CDK14: variants seen among roughly 807,000 people sequenced by gnomAD.
CDK14 encodes the protein cyclin dependent kinase 14.
In CDK14, 34 loss-of-function variants were observed where a neutral mutation model predicts 60.7. That is an observed-to-expected ratio of 0.56 (90% CI 0.43 to 0.75). The LOEUF is 0.75. CDK14 is among the 30% of genes least tolerant of loss of function. The pLI is 0.00. For synonymous variants in CDK14, 197 were observed against 203.7 expected (o/e 0.97, Z 0.28); for missense variants, 482 against 564.1 (o/e 0.85, Z 1.47).
chr7:91,054,868 A>G (rs1216320409), intron 11 of CDK14, among the ~76,000 whole-genome samples: 2 of 152,204 alleles, frequency 1.3e-5, no homozygotes, highest in Non-Finnish European at 2.9e-5. Context: ...GTCCTTGGAA[A>G]GCCAAGGTGA....
intron 4 of CDK14, among the ~76,000 whole-genome samples, chr7:90,770,779 C>G (rs1439725451): frequency 1.3e-5 from 2 of 152,188 alleles, no homozygotes; most frequent in Non-Finnish European, 2.9e-5. Flanking sequence ...ATGCCTACAA[C>G]TGATCCCATC....
chr7:90,904,498 CAAATT>C (rs1448074068), intron 7 of CDK14, among the ~76,000 whole-genome samples: 6 of 151,766 alleles, frequency 4.0e-5, no homozygotes, highest in Admixed American at 2.0e-4. Flanking sequence ...AAAAATATAA[CAAATT>C]AAAAACAACA....
chr7:91,195,743 A>T (rs1026135515), intron 14 of CDK14, among the ~76,000 whole-genome samples: 7 of 152,222 alleles, frequency 4.6e-5, no homozygotes, highest in African/African-American at 1.7e-4. Context: ...TCAAGACTTC[A>T]TGTATATGAA....
At chr7:90,865,015 A>G (rs1398814356) in intron 6 of CDK14, among the ~76,000 whole-genome samples, 1 of 152,096 alleles carries the variant, frequency 6.6e-6, no homozygotes, top group Non-Finnish European at 1.5e-5. Context: ...TTTTTGGCTT[A>G]TGATTGCCCT....
chr7:91,180,954 C>A lies in CDK14; in HGVS notation c.*29-26211C>A, dbSNP rs1168671632. 5.3e-5 allele frequency among the ~76,000 whole-genome samples: 8 copies of A among 152,256 alleles called. No homozygotes were observed. In the East Asian group the frequency reaches 1.4e-3, roughly 26 times the overall value. Reference sequence around the variant, plus strand: ...TTTCCTCTGATCTACATGCACTCTCCCCTTCCTACCCAAATTACTTCACAA... The same window carrying A: ...TTTCCTCTGATCTACATGCACTCTCACCTTCCTACCCAAATTACTTCACAA... On this transcript the variant is annotated intron_variant, in intron 14 of 14. Coordinates refer to ENST00000380050, the MANE Select transcript of CDK14 (RefSeq NM_001287135.2).
chr7:90,609,354 T>C (rs1046386900), intron 2 of CDK14, among the ~76,000 whole-genome samples: 1 of 152,092 alleles, frequency 6.6e-6, no homozygotes, highest in Non-Finnish European at 1.5e-5. Flanking sequence ...AACCAGAATC[T>C]AGGGATGATA....
intron 14 of CDK14, among the ~76,000 whole-genome samples, chr7:91,145,211 T>C (rs1260346962): frequency 6.6e-6 from 1 of 152,232 alleles, no homozygotes; most frequent in Non-Finnish European, 1.5e-5. Flanking sequence ...TGATAACCAA[T>C]GTATGTGAAG....
intron 10 of CDK14, among the ~76,000 whole-genome samples, chr7:91,034,449 C>A (rs927297611): frequency 1.3e-5 from 2 of 152,024 alleles, no homozygotes; most frequent in African/African-American, 2.4e-5. Flanking sequence ...CAGTAACCTT[C>A]TAGCAGGTGA....
intron 4 of CDK14, among the ~76,000 whole-genome samples, chr7:90,788,142 C>T (rs17163201): frequency 0.16 from 23,585 of 151,994 alleles, 1,943 homozygotes; most frequent in Middle Eastern, 0.25. Context: ...GAAAGCTCTG[C>T]GGGAAAAAGG....
intron 14 of CDK14, among the ~76,000 whole-genome samples, chr7:91,141,961 G>A (rs1800476812): frequency 6.6e-6 from 1 of 151,952 alleles, no homozygotes. Flanking sequence ...AAGTAGCTGG[G>A]ACTACAGGCG....
At chr7:90,728,746 C>T (rs1442148509) in intron 3 of CDK14, among the ~76,000 whole-genome samples, 1 of 151,894 alleles carries the variant, frequency 6.6e-6, no homozygotes, top group African/African-American at 2.4e-5. Flanking sequence ...TGTTGGCTGT[C>T]AGTTTATGTT....
chr7:90,621,238 T>C (rs1257541811), intron 2 of CDK14, among the ~76,000 whole-genome samples: 1 of 152,218 alleles, frequency 6.6e-6, no homozygotes, highest in African/African-American at 2.4e-5. Flanking sequence ...CTGATTCTTC[T>C]TGGTTCCCTT....
At chr7:91,005,598 TTATAGCTCCTA>T (rs1562865043) in intron 10 of CDK14, among the ~76,000 whole-genome samples, 2 of 152,200 alleles carry the variant, frequency 1.3e-5, no homozygotes, top group Admixed American at 6.5e-5. Context: ...GGGTCAAAGG[TTATAGCTCCTA>T]GTCCAAGCAA....
chr7:90,835,499 C>A (rs931045347), intron 5 of CDK14, among the ~76,000 whole-genome samples: 1 of 152,066 alleles, frequency 6.6e-6, no homozygotes. Flanking sequence ...AATACAAATG[C>A]GCTTAATACA....
intron 13 of CDK14, among the ~76,000 whole-genome samples, chr7:91,115,070 C>T (rs1584081941): frequency 1.3e-5 from 2 of 152,140 alleles, no homozygotes; most frequent in East Asian, 3.9e-4. Context: ...AGCAGCAGCA[C>T]CTGTAATACC....
intron 6 of CDK14, among the ~76,000 whole-genome samples, chr7:90,885,550 C>A (rs1285980351): frequency 6.6e-6 from 1 of 152,162 alleles, no homozygotes; most frequent in Non-Finnish European, 1.5e-5. Flanking sequence ...TTTGACTCAG[C>A]AATCCCATTA....
intron 9 of CDK14, among the ~76,000 whole-genome samples, chr7:90,964,914 T>C (rs2041352): frequency 0.44 from 67,166 of 152,032 alleles, 15,517 homozygotes; most frequent in East Asian, 0.71. Flanking sequence ...TTAATAACTG[T>C]CTGTGATTCT....
At chr7:90,649,684 C>T (rs1326618521) in intron 2 of CDK14, among the ~76,000 whole-genome samples, 1 of 151,870 alleles carries the variant, frequency 6.6e-6, no homozygotes, top group Non-Finnish European at 1.5e-5. Flanking sequence ...TTGTTCACTT[C>T]CCACCTGTGA....
At chr7:91,143,208 A>G (rs148286302) in intron 14 of CDK14, among the ~76,000 whole-genome samples, 4 of 152,274 alleles carry the variant, frequency 2.6e-5, no homozygotes, top group Non-Finnish European at 5.9e-5. Flanking sequence ...AAAGTCCAGG[A>G]TATGTTTGAA....
Sources: allele counts gnomAD v4.1 joint callset (sites outside exome capture counted in the v4.1 genomes callset), GRCh38; gene constraint gnomAD v4.1.1; transcripts MANE v1.5; gene names NCBI Gene and HGNC (gene_info 2026-07-23, HGNC 2026-07-21).